Variants in PIEZO2 observed in about 807,000 individuals in gnomAD.
The protein encoded by PIEZO2 is piezo type mechanosensitive ion channel component 2.
In PIEZO2, 172 loss-of-function variants were observed where a neutral mutation model predicts 337.3. That is an observed-to-expected ratio of 0.51 (90% confidence interval 0.45 to 0.58). PIEZO2 has a LOEUF of 0.58. Ranked by LOEUF, PIEZO2 falls within the 20% of genes least tolerant of loss-of-function variation. PIEZO2 has a pLI of 0.00. For missense variants in PIEZO2, 3,028 were observed against 3,391.3 expected (o/e 0.89, Z 2.66); for synonymous variants, 1,251 against 1,228.5 (o/e 1.02, Z -0.38).
chr18:10,869,691 G>A (rs759895390), intron 5 of PIEZO2, among the ~76,000 whole-genome samples: 1 of 152,146 alleles, frequency 6.6e-6, no homozygotes, highest in African/African-American at 2.4e-5. Context: ...GCACTCTTCC[G>A]TTTTTAGGGC....
At chr18:11,040,774 T>A (rs2037093775) in intron 2 of PIEZO2, among the ~76,000 whole-genome samples, 1 of 152,202 alleles carries the variant, frequency 6.6e-6, no homozygotes, top group South Asian at 2.1e-4. Flanking sequence ...TTAGTGCCAC[T>A]TTTCTTCCCA....
At position 10,830,067 on chromosome 18, in the gene PIEZO2, A is replaced by T. The variant is rs1185897300; in HGVS notation, c.918-22793T>A. ...ATTATACTACAGAGCTCTAGTAACCAAAACAGTATGGTACTGGCATAAAAA... is the reference window on the plus strand; with the variant it reads ...ATTATACTACAGAGCTCTAGTAACCTAAACAGTATGGTACTGGCATAAAAA... On this transcript the variant is annotated intron_variant, in intron 7 of 55. Coordinates refer to ENST00000674853, the MANE Select transcript of PIEZO2 (RefSeq NM_001378183.1). The surrounding 1 kb of genome is among the most constrained non-coding windows in gnomAD (Gnocchi z 4.7). Among the ~76,000 whole-genome samples the T allele has an allele frequency of 6.6e-6, 1 of 152,160 alleles. No individual in the cohort carries two copies. The highest frequency in any genetic ancestry group is 1.5e-5 in the Non-Finnish European group (1 of 68,022).
intron 2 of PIEZO2, among the ~76,000 whole-genome samples, chr18:10,981,392 T>A (rs1466734150): frequency 6.6e-6 from 1 of 152,212 alleles, no homozygotes; most frequent in Non-Finnish European, 1.5e-5. Flanking sequence ...AAGTTGGGTT[T>A]AATCCCAAAA....
intron 2 of PIEZO2, among the ~76,000 whole-genome samples, chr18:11,018,580 A>C (rs1231110917): frequency 6.6e-6 from 1 of 152,144 alleles, no homozygotes; most frequent in Non-Finnish European, 1.5e-5. Context: ...GCCAGCAGCC[A>C]CTGAACGGTG....
chr18:11,112,035 A>G lies in PIEZO2; in HGVS notation c.64+36490T>C, dbSNP rs1313725598. Among the ~76,000 whole-genome samples, 9 of 152,348 alleles carry G rather than the reference A, an allele frequency of 5.9e-5. No homozygotes were observed. The East Asian group carries it at 1.5e-3, about 26-fold the overall frequency. On this transcript the variant is annotated intron_variant, in intron 1 of 55. Transcript: ENST00000674853. This position sits in a 1 kb window ranked among gnomAD's most constrained non-coding sequence, Gnocchi z 4.3. ...TGAATGAAGTTTCATAGTCCTTTAT[A>G]TTAATAAAGAACTTCACAGCTGAAA... is the stretch of plus-strand genomic sequence containing the variant.
At chr18:11,065,741 C>CCT (rs1279151101) in intron 2 of PIEZO2, among the ~76,000 whole-genome samples, 1 of 152,186 alleles carries the variant, frequency 6.6e-6, no homozygotes, top group East Asian at 1.9e-4. Context: ...TGCTGCTCGG[C>CCT]CTCTTCCAGT....
At chr18:11,044,759 T>C (rs1424428915) in intron 2 of PIEZO2, among the ~76,000 whole-genome samples, 1 of 152,202 alleles carries the variant, frequency 6.6e-6, no homozygotes, top group Non-Finnish European at 1.5e-5. Flanking sequence ...CCATTGTTCT[T>C]AGGGGAAATA....
chr18:10,971,864 C>T (rs1251162733), intron 3 of PIEZO2, among the ~76,000 whole-genome samples: 4 of 152,044 alleles, frequency 2.6e-5, no homozygotes, highest in Non-Finnish European at 5.9e-5. Flanking sequence ...GTCCAGGAGA[C>T]CTAAATTTAA....
In PIEZO2 at chr18:11,058,523, T is replaced by A. The variant is rs554058616; in HGVS notation, c.160+7604A>T. On this transcript the variant is annotated intron_variant, in intron 2 of 55. Transcript: ENST00000674853. ...AAACATGGCAAAGAAGTTAAAAACC[T>A]TGAAAAAAAATTAGACGAAAGGCTA... is the stretch of plus-strand genomic sequence containing the variant. Among the ~76,000 whole-genome samples the A allele has an allele frequency of 4.6e-5, 7 of 152,140 alleles. No homozygotes were observed. The South Asian group carries it at 1.5e-3, about 32-fold the overall frequency.
chr18:10,797,484 C>T lies in PIEZO2; in HGVS notation c.1417G>A (p.Glu473Lys), dbSNP rs1441321018. 2 of 1,537,022 alleles carry T rather than the reference C, an allele frequency of 1.3e-6. No individual in the cohort carries two copies. Among genetic ancestry groups the T allele is most frequent in the African/African-American group, 1.4e-5 (1 of 73,022 alleles). ...TTTTCCTCACGGCTCCTTTCTTCTT[C>T]AAATTCTTCTTTCTCTTCCTCTTCC... Reference protein sequence around the residue: ...EEEEEEKEEFEEERSREEKRS... With the variant: ...EEEEEEKEEFKEERSREEKRS... The change falls in exon 12 of 56, where the codon GAA becomes AAA. Residue 473 changes from glutamate to lysine, a missense_variant. Coordinates refer to ENST00000674853, the MANE Select transcript of PIEZO2 (RefSeq NM_001378183.1).
intron 7 of PIEZO2, among the ~76,000 whole-genome samples, chr18:10,841,934 G>A (rs2041207744): frequency 6.6e-6 from 1 of 152,058 alleles, no homozygotes; most frequent in Non-Finnish European, 1.5e-5. Context: ...GAGACGGGTG[G>A]ATCACTAGGT....
intron 5 of PIEZO2, among the ~76,000 whole-genome samples, chr18:10,865,310 T>A (rs564640980): frequency 3.3e-5 from 5 of 152,274 alleles, no homozygotes; most frequent in Admixed American, 2.0e-4. Flanking sequence ...ACAAGAATAA[T>A]CCAGATGCTG....
At chr18:10,734,095 C>T (rs7231530) in intron 35 of PIEZO2, among the ~76,000 whole-genome samples, 2,133 of 152,242 alleles carry the variant, frequency 0.014, 42 homozygotes, top group African/African-American at 0.049. Context: ...CTAGCACCTT[C>T]TTTATGTTGT....
At chr18:10,987,297 G>T (rs2034912474) in intron 2 of PIEZO2, among the ~76,000 whole-genome samples, 1 of 152,070 alleles carries the variant, frequency 6.6e-6, no homozygotes, top group South Asian at 2.1e-4. Flanking sequence ...CACACTTTCT[G>T]ATTTCAAATT....
Position 10,715,711 on chromosome 18 carries a change from T to C in PIEZO2, c.5195A>G (p.His1732Arg). Residue 1732 changes from histidine to arginine, a missense_variant, in exon 38 of 56, where the codon CAT (histidine) becomes CGT (arginine). By Grantham distance (29) the His-to-Arg change is conservative. This residue lies in a region of PIEZO2 where 1,925 missense variants were observed against 2,051.9 expected (regional missense o/e 0.94). Coordinates refer to ENST00000674853, the MANE Select transcript of PIEZO2 (RefSeq NM_001378183.1). ...TTWLNSISRE[H>R]IDISTVLRIE... Reference sequence around the variant, plus strand: ...TCTCAGAACTGTAGATATATCAATATGCTCCCTTGAAATGGAGTTAAGCCA... The same window carrying C: ...TCTCAGAACTGTAGATATATCAATACGCTCCCTTGAAATGGAGTTAAGCCA... 2.0e-6 allele frequency: 3 copies of C among 1,536,806 alleles called. No individual in the cohort carries two copies. Among genetic ancestry groups the C allele is most frequent in the Non-Finnish European group, 2.6e-6 (3 of 1,146,624 alleles).
intron 3 of PIEZO2, among the ~76,000 whole-genome samples, chr18:10,925,511 A>G (rs1442596349): frequency 6.6e-6 from 1 of 152,190 alleles, no homozygotes; most frequent in Non-Finnish European, 1.5e-5. Flanking sequence ...GCATGCACAC[A>G]CATTCCATGA....
chr18:10,744,218 A>G lies in PIEZO2; in HGVS notation c.4438T>C (p.Phe1480Leu). Residue 1480 changes from phenylalanine to leucine, a missense_variant, in exon 31 of 56, where the codon TTC becomes CTC. Phe to Leu is a conservative substitution (Grantham distance 22, BLOSUM62 0). Around this residue, in one of 5 missense-constraint regions of PIEZO2, gnomAD observed 1,925 missense variants for 2,051.9 expected, o/e 0.94. Coordinates refer to ENST00000674853, the MANE Select transcript of PIEZO2 (RefSeq NM_001378183.1). ...ACAGCTTTTACAATTGTGGCCTGGA[A>G]AAGTTCAGCTCCTCTAAAGGGAAAG... is the stretch of plus-strand genomic sequence containing the variant. ...QILASRGAEL[F>L]QATIVKAVKA... The G allele has an allele frequency of 6.5e-7, 1 of 1,535,306 alleles. No individual in the cohort carries two copies. Among genetic ancestry groups the G allele is most frequent in the Non-Finnish European group, 8.7e-7 (1 of 1,145,162 alleles).
At position 10,853,813 on chromosome 18, in the gene PIEZO2, C is replaced by A. The variant is rs1438484197; in HGVS notation, c.917+1540G>T. On this transcript the variant is annotated intron_variant, in intron 7 of 55. Transcript: ENST00000674853. The surrounding 1 kb of genome is among the most constrained non-coding windows in gnomAD (Gnocchi z 4.2). Reference sequence around the variant, plus strand: ...CTTATCTAAATAACTCACCATGTATCTCCTAAAATAATGGCATTTTTCTGT... The same window carrying A: ...CTTATCTAAATAACTCACCATGTATATCCTAAAATAATGGCATTTTTCTGT... 6.6e-6 allele frequency among the ~76,000 whole-genome samples: 1 copy of A among 152,170 alleles called. No individual in the cohort carries two copies. Among genetic ancestry groups the A allele is most frequent in the Non-Finnish European group, 1.5e-5 (1 of 68,020 alleles).
intron 36 of PIEZO2, among the ~76,000 whole-genome samples, chr18:10,722,893 C>T (rs1335196799): frequency 2.0e-5 from 3 of 149,780 alleles, no homozygotes; most frequent in East Asian, 3.9e-4. Context: ...GGCATGAGAA[C>T]TGGAGAACTA....
Sources: gnomAD v4.1 joint callset for allele counts (sites outside exome capture counted in the v4.1 genomes callset) on GRCh38, gnomAD v4.1.1 for gene constraint, gnomAD v4.1.1 regional missense constraint, Gnocchi (gnomAD v3.1) non-coding constraint, MANE v1.5 for transcripts, NCBI Gene and HGNC (gene_info 2026-07-23, HGNC 2026-07-21) for gene names.